The following STAG1 variants were observed in gnomAD, a reference collection of about 807,000 sequenced individuals.
The protein encoded by STAG1 is STAG1 cohesin complex component, also known as cohesin subunit SA-1.
Under a neutral mutation model 170.9 loss-of-function variants are expected in STAG1, and 26 were observed. That is an observed-to-expected ratio of 0.15 (90% CI 0.11 to 0.21). The LOEUF is 0.21. Ranked by LOEUF, STAG1 falls within the 10% of genes least tolerant of loss-of-function variation. The pLI is 1.00. For synonymous variants in STAG1, 514 were observed against 497.7 expected (o/e 1.03, Z -0.44); for missense variants, 964 against 1,509.5 (o/e 0.64, Z 5.99).
intron 12 of STAG1, among the ~76,000 whole-genome samples, chr3:136,466,387 G>A (rs898125584): frequency 2.0e-5 from 3 of 152,132 alleles, no homozygotes; most frequent in South Asian, 2.1e-4. Flanking sequence ...TCGATCAACT[G>A]GAAGAAAGGG....
intron 4 of STAG1, among the ~76,000 whole-genome samples, chr3:136,579,536 C>A (rs998008517): frequency 5.3e-5 from 8 of 152,240 alleles, no homozygotes; most frequent in Non-Finnish European, 1.0e-4. Context: ...AAGCCCTTGA[C>A]GTCCTGCTGG....
intron 1 of STAG1, among the ~76,000 whole-genome samples, chr3:136,681,963 G>C (rs1163159856): frequency 6.6e-6 from 1 of 152,074 alleles, no homozygotes; most frequent in Non-Finnish European, 1.5e-5. Context: ...TGACCTGAAA[G>C]AGGGCAAGGA....
chr3:136,540,359 T>G (rs1289983608), intron 6 of STAG1, among the ~76,000 whole-genome samples: 1 of 151,968 alleles, frequency 6.6e-6, no homozygotes, highest in South Asian at 2.1e-4. Context: ...TTTAAAAAAG[T>G]CTTCTTTGAT....
At chr3:136,725,115 G>A (rs1396176462) in intron 1 of STAG1, among the ~76,000 whole-genome samples, 4 of 152,122 alleles carry the variant, frequency 2.6e-5, no homozygotes, top group African/African-American at 9.7e-5. Flanking sequence ...CAACATTTCT[G>A]TGTAAATCTA....
chr3:136,742,392 T>G lies in STAG1; in HGVS notation c.-84+9803A>C, dbSNP rs891114352. On this transcript the variant is annotated intron_variant, in intron 1 of 33. Coordinates refer to ENST00000383202, the MANE Select transcript of STAG1 (RefSeq NM_005862.3). Reference sequence around the variant, plus strand: ...AACTAAGTTAGAAATCAGTAATAAGTTATCTAGAATAATCCCAAATATTGA... The same window carrying G: ...AACTAAGTTAGAAATCAGTAATAAGGTATCTAGAATAATCCCAAATATTGA... Among the ~76,000 whole-genome samples, 12 of 151,986 alleles carry G rather than the reference T, an allele frequency of 7.9e-5. 1 individual carries two copies. Among genetic ancestry groups the G allele is most frequent in the Admixed American group, 7.9e-4 (12 of 15,246 alleles).
chr3:136,377,022 C>T (rs1318980340), intron 23 of STAG1, among the ~76,000 whole-genome samples: 1 of 150,972 alleles, frequency 6.6e-6, no homozygotes, highest in Non-Finnish European at 1.5e-5. Context: ...TGTGATCTGC[C>T]CACCTCGGCC....
At chr3:136,485,049 C>T (rs535447640) in intron 9 of STAG1, among the ~76,000 whole-genome samples, 77 of 152,306 alleles carry the variant, frequency 5.1e-4, no homozygotes, top group Non-Finnish European at 3.4e-4. Flanking sequence ...GCGTCGCTCA[C>T]GCTGGGAGCT....
In STAG1 at chr3:136,420,620, T is replaced by C. The variant is rs181046086; in HGVS notation, c.2108+473A>G. Among the ~76,000 whole-genome samples, 14 of 152,350 alleles carry C rather than the reference T, an allele frequency of 9.2e-5. No homozygotes were observed. In the East Asian group the frequency reaches 2.7e-3, roughly 29 times the overall value. On this transcript the variant is annotated intron_variant, in intron 20 of 33. Coordinates refer to ENST00000383202, the MANE Select transcript of STAG1 (RefSeq NM_005862.3). ...TTACTGAGATCAGATCTCACTATAC[T>C]GCCCATGCTGAAGTGCAGTGGCTAT... is the stretch of plus-strand genomic sequence containing the variant.
intron 22 of STAG1, among the ~76,000 whole-genome samples, chr3:136,381,666 A>AT (rs890891818): frequency 1.4e-4 from 21 of 151,562 alleles, no homozygotes; most frequent in Admixed American, 2.6e-4. Context: ...AGGTTGATGG[A>AT]TTTTTTTTTG....
At chr3:136,344,280 A>G (rs1211260574) in intron 29 of STAG1, among the ~76,000 whole-genome samples, 1 of 150,228 alleles carries the variant, frequency 6.7e-6, no homozygotes, top group African/African-American at 2.5e-5. Context: ...CTATCATCAC[A>G]TCATCATCTC....
chr3:136,690,254 TGA>T (rs756013707), intron 1 of STAG1, among the ~76,000 whole-genome samples: 2 of 152,130 alleles, frequency 1.3e-5, no homozygotes, highest in Non-Finnish European at 1.5e-5. Context: ...TTGTTTGTTT[TGA>T]GAGAGAGTCT....
intron 22 of STAG1, among the ~76,000 whole-genome samples, chr3:136,380,630 T>C (rs561482112): frequency 6.6e-6 from 1 of 152,246 alleles, no homozygotes; most frequent in South Asian, 2.1e-4. Flanking sequence ...TGATAGAATT[T>C]AGGGAGCAAT....
At chr3:136,663,389 T>C (rs1396435258) in intron 1 of STAG1, among the ~76,000 whole-genome samples, 1 of 152,216 alleles carries the variant, frequency 6.6e-6, no homozygotes. Context: ...TGAGGCAATT[T>C]GCTCAAGAGC....
intron 3 of STAG1, among the ~76,000 whole-genome samples, chr3:136,613,597 G>T (rs1939426957): frequency 6.6e-6 from 1 of 152,034 alleles, no homozygotes; most frequent in Non-Finnish European, 1.5e-5. Flanking sequence ...GGTGATTCTT[G>T]TGCCTCAGGC....
intron 5 of STAG1, among the ~76,000 whole-genome samples, chr3:136,552,075 A>G (rs1274899694): frequency 6.6e-6 from 1 of 152,146 alleles, no homozygotes; most frequent in Non-Finnish European, 1.5e-5. Flanking sequence ...GTTTCTTTGT[A>G]CACTCTACCT....
At chr3:136,521,955 A>G (rs1439971063) in intron 6 of STAG1, among the ~76,000 whole-genome samples, 1 of 152,208 alleles carries the variant, frequency 6.6e-6, no homozygotes, top group Non-Finnish European at 1.5e-5. Flanking sequence ...TCATTTTAAT[A>G]CCACTTCATA....
intron 1 of STAG1, among the ~76,000 whole-genome samples, chr3:136,633,962 T>TA (rs67810422): frequency 0.016 from 824 of 50,300 alleles, 47 homozygotes; most frequent in African/African-American, 0.035. Flanking sequence ...TGTCTCTACT[T>TA]AAAAAAAAAA....
At chr3:136,551,201 G>A (rs1375537088) in intron 5 of STAG1, among the ~76,000 whole-genome samples, 2 of 57,320 alleles carry the variant, frequency 3.5e-5, no homozygotes, top group Non-Finnish European at 6.5e-5. Flanking sequence ...GAGAGGTTGA[G>A]AGAGAGTGAG....
chr3:136,350,930 G>A (rs1413124653), intron 28 of STAG1, among the ~76,000 whole-genome samples: 1 of 152,170 alleles, frequency 6.6e-6, no homozygotes, highest in Non-Finnish European at 1.5e-5. Flanking sequence ...ACCAGAGAAA[G>A]AGACAGCCAA....
Sources: gnomAD v4.1 joint callset for allele counts (sites outside exome capture counted in the v4.1 genomes callset) on GRCh38, gnomAD v4.1.1 for gene constraint, MANE v1.5 for transcripts, NCBI Gene and HGNC (gene_info 2026-07-23, HGNC 2026-07-21) for gene names.